The following MYO3A variants were observed in gnomAD, a reference collection of about 807,000 sequenced individuals.
MYO3A encodes myosin-IIIa.
A neutral mutation model predicts 192.7 loss-of-function variants in MYO3A; 180 were observed. The ratio of observed to expected loss-of-function variants is 0.93; its 90% CI spans 0.83 to 1.06. The LOEUF (loss-of-function observed/expected upper bound fraction) is 1.06, where lower values mean the gene tolerates loss of function less well. MYO3A is among the 50% of genes least tolerant of loss of function. The probability of loss-of-function intolerance (pLI) is 0.00; values close to 1 mark genes in which losing one functional copy is unlikely to be tolerated. For missense variants in MYO3A, 1,896 were observed against 1,905.0 expected (o/e 1.00, Z 0.09); for synonymous variants, 628 against 645.3 (o/e 0.97, Z 0.41).
At chr10:26,143,330 CAAAA>C in intron 20 of MYO3A, 114 bp from the exon 21 acceptor site, 1 of 1,095,968 alleles carries the variant, frequency 9.1e-7, no homozygotes, top group Non-Finnish European at 1.3e-6. Flanking sequence ...GTCTCCGTCA[CAAAA>C]AAAGCAAGGT....
At chr10:26,100,849 G>A (rs976644864) in intron 17 of MYO3A, among the ~76,000 whole-genome samples, 1 of 152,178 alleles carries the variant, frequency 6.6e-6, no homozygotes, top group African/African-American at 2.4e-5. Context: ...GTGTGATATG[G>A]TGCTGAGAAG....
intron 2 of MYO3A, among the ~76,000 whole-genome samples, chr10:25,937,864 A>G (rs558763632): frequency 6.6e-6 from 1 of 152,350 alleles, no homozygotes; most frequent in South Asian, 2.1e-4. Context: ...CATACATGTA[A>G]CTGGACAAGG....
chr10:26,212,499 A>T lies in MYO3A; in HGVS notation c.*536A>T, dbSNP rs1844272980. The T allele has an allele frequency of 6.1e-6, 1 of 162,872 alleles. No homozygotes were observed. The highest frequency in any genetic ancestry group is 2.4e-5 in the African/African-American group (1 of 41,910). 10.1% of individuals were successfully genotyped at this position (162,872 alleles called of 1,614,324 possible). The stretch of plus-strand genomic sequence containing the variant: ...GCTCTTTCTCTTCCTTTGGTTATTA[A>T]GGTCACTAAATAAAGGAAGTGCCTT... On this transcript the variant is annotated 3_prime_UTR_variant, in exon 35 of 35. Coordinates refer to ENST00000642920, the MANE Select transcript of MYO3A (RefSeq NM_017433.5).
chr10:25,977,790 TA>T (rs1242579030), intron 4 of MYO3A, among the ~76,000 whole-genome samples: 1 of 152,120 alleles, frequency 6.6e-6, no homozygotes, highest in East Asian at 1.9e-4. Flanking sequence ...CTTTACAAAA[TA>T]GATGCACAAA....
chr10:26,151,962 T>G (rs1400052258), intron 23 of MYO3A, among the ~76,000 whole-genome samples: 1 of 152,228 alleles, frequency 6.6e-6, no homozygotes, highest in African/African-American at 2.4e-5. Context: ...CGGTGTTACT[T>G]TATCTGACCC....
chr10:25,942,860 G>A (rs1836589066), intron 2 of MYO3A, among the ~76,000 whole-genome samples: 1 of 150,774 alleles, frequency 6.6e-6, no homozygotes, highest in African/African-American at 2.4e-5. Flanking sequence ...TATATGATTT[G>A]CAAGTGTTTT....
chr10:25,943,019 A>G (rs1281341891), intron 2 of MYO3A, among the ~76,000 whole-genome samples: 1 of 151,904 alleles, frequency 6.6e-6, no homozygotes, highest in Non-Finnish European at 1.5e-5. Flanking sequence ...AATCATTGCC[A>G]AATCCATTTT....
Position 26,021,474 on chromosome 10 carries a change from C to T in MYO3A, c.586-29C>T, listed in dbSNP as rs56077277. 132,000 of 1,609,386 alleles carry T rather than the reference C, an allele frequency of 0.082. 6,099 individuals are homozygous for T. The highest frequency in any genetic ancestry group is 0.094 in the Non-Finnish European group (110,935 of 1,175,652). Reference sequence around the variant, plus strand: ...ACATGCTTGTTAAAGTCACAAATTTCACCTTTTGATGGTGTGGTTTTCTAC... The same window carrying T: ...ACATGCTTGTTAAAGTCACAAATTTTACCTTTTGATGGTGTGGTTTTCTAC... On this transcript the variant is annotated intron_variant, in intron 7 of 34. Coordinates refer to ENST00000642920, the MANE Select transcript of MYO3A (RefSeq NM_017433.5).
chr10:26,048,393 T>C (rs1521038), intron 10 of MYO3A, among the ~76,000 whole-genome samples: 24,658 of 151,906 alleles, frequency 0.16, 2,305 homozygotes, highest in Non-Finnish European at 0.21. Context: ...AGTCAAAATT[T>C]CCAATGTTTT....
At chr10:26,119,386 GTGACT>G (rs1838714202) in intron 17 of MYO3A, among the ~76,000 whole-genome samples, 1 of 152,124 alleles carries the variant, frequency 6.6e-6, no homozygotes, top group Non-Finnish European at 1.5e-5. Context: ...TGAATTACCT[GTGACT>G]AGAACAGTGC....
At chr10:26,017,479 G>A (rs1184393992) in intron 7 of MYO3A, among the ~76,000 whole-genome samples, 1 of 152,102 alleles carries the variant, frequency 6.6e-6, no homozygotes, top group African/African-American at 2.4e-5. Context: ...TATCACTTAT[G>A]AAGGACCCTT....
chr10:26,153,752 G>A, intron 23 of MYO3A, 98 bp from the exon 24 acceptor site: 1 of 796,520 alleles, frequency 1.3e-6, no homozygotes, highest in Non-Finnish European at 2.1e-6. Flanking sequence ...AATATTGCAG[G>A]ATTAACAATG....
intron 4 of MYO3A, among the ~76,000 whole-genome samples, chr10:25,990,084 C>T (rs1238418228): frequency 1.3e-5 from 2 of 152,120 alleles, no homozygotes; most frequent in African/African-American, 4.8e-5. Context: ...TGCAAACATA[C>T]AGCTCTTTTG....
At chr10:26,130,312 G>T (rs1839458237) in intron 20 of MYO3A, among the ~76,000 whole-genome samples, 1 of 152,000 alleles carries the variant, frequency 6.6e-6, no homozygotes. Context: ...CACCATTTTG[G>T]CCAGGGTGGT....
At chr10:26,162,999 A>C (rs1440115430) in intron 26 of MYO3A, among the ~76,000 whole-genome samples, 1 of 152,258 alleles carries the variant, frequency 6.6e-6, no homozygotes, top group Admixed American at 6.5e-5. Context: ...AAGCGTAGTG[A>C]GTTACACATA....
In MYO3A at chr10:25,999,785, T is replaced by G. The variant is rs1190627381; in HGVS notation, c.508+2527T>G. ...AAATCTGCTACATATAAAGAGTTTCTTGTCTTAGAAAGTCGCCCACATCTA... is the reference window on the plus strand; with the variant it reads ...AAATCTGCTACATATAAAGAGTTTCGTGTCTTAGAAAGTCGCCCACATCTA... On this transcript the variant is annotated intron_variant, in intron 6 of 34. Coordinates refer to ENST00000642920, the MANE Select transcript of MYO3A (RefSeq NM_017433.5). 1.9e-4 allele frequency among the ~76,000 whole-genome samples: 29 copies of G among 152,196 alleles called. 1 individual carries two copies. The highest frequency in any genetic ancestry group is 4.1e-4 in the Non-Finnish European group (28 of 68,026).
At chr10:25,944,013 T>C (rs1473122885) in intron 2 of MYO3A, among the ~76,000 whole-genome samples, 3 of 152,090 alleles carry the variant, frequency 2.0e-5, no homozygotes, top group Non-Finnish European at 4.4e-5. Context: ...TCTTGCACCA[T>C]TGAATATAAT....
intron 6 of MYO3A, among the ~76,000 whole-genome samples, chr10:26,008,254 C>T (rs1158553144): frequency 6.9e-6 from 1 of 145,848 alleles, no homozygotes; most frequent in African/African-American, 2.7e-5. Context: ...AAAGACTTAA[C>T]CATTAGACCT....
intron 3 of MYO3A, 122 bp from the exon 4 acceptor site, chr10:25,954,752 C>A: frequency 9.9e-7 from 1 of 1,008,690 alleles, no homozygotes; most frequent in South Asian, 1.4e-5. Flanking sequence ...TAATACTAAG[C>A]ACAGTAAAAA....
Sources: allele counts gnomAD v4.1 joint callset (sites outside exome capture counted in the v4.1 genomes callset), GRCh38; gene constraint gnomAD v4.1.1; transcripts MANE v1.5; gene names NCBI Gene and HGNC (gene_info 2026-07-23, HGNC 2026-07-21).